The following GLUL variants were observed in gnomAD, a reference collection of about 807,000 sequenced individuals.
The protein encoded by GLUL is glutamine synthetase.
In GLUL, 8 loss-of-function variants were observed where a neutral mutation model predicts 36.9. The ratio of observed to expected loss-of-function variants is 0.22; its 90% CI spans 0.13 to 0.39. The LOEUF (loss-of-function observed/expected upper bound fraction) is 0.39, where lower values mean the gene tolerates loss of function less well. Among genes scored for constraint, GLUL ranks in the 10% least tolerant of loss-of-function variants. The pLI, the probability that GLUL is intolerant of heterozygous loss-of-function variation, is 1.00. For synonymous variants in GLUL, 182 were observed against 172.8 expected, an observed-to-expected ratio of 1.05 and a Z score of -0.42; for missense variants, 315 against 501.8, an observed-to-expected ratio of 0.63 and a Z score of 3.56.
chr1:182,384,804 CA>C, intron 6 of GLUL, 81 bp from the exon 7 acceptor site: 1 of 998,010 alleles, frequency 1.0e-6, no homozygotes, highest in South Asian at 1.3e-5. Context: ...AATATGATAC[CA>C]GTAGAACAAA....
At chr1:182,388,197 TAAG>T (rs1650260915) in intron 2 of GLUL, among the ~76,000 whole-genome samples, 2 of 152,342 alleles carry the variant, frequency 1.3e-5, no homozygotes, top group Non-Finnish European at 2.9e-5. Context: ...CACAGTTTTC[TAAG>T]AGTTTGTAAA....
Position 182,382,443 on chromosome 1 carries a change from C to G in GLUL, c.*1962G>C, listed in dbSNP as rs1216055478. On this transcript the variant is annotated 3_prime_UTR_variant, in exon 7 of 7. Transcript: ENST00000331872. ...GGATGAGCCCATGCCTAGGGCATAG[C>G]CAGCCTTGGAAGGCTTCAACCAGGG... 6.6e-6 allele frequency: 1 copy of G among 152,126 alleles called. No individual in the cohort carries two copies. The highest frequency in any genetic ancestry group is 2.4e-5 in the African/African-American group (1 of 41,390). 9.4% of individuals were successfully genotyped at this position (152,126 alleles called of 1,614,324 possible).
chr1:182,386,124 T>TGTGA (rs1650170228), intron 4 of GLUL, 132 bp downstream of exon 4: 1 of 973,008 alleles, frequency 1.0e-6, no homozygotes, highest in Admixed American at 1.7e-5. Context: ...ACTTTGGTGA[T>TGTGA]GTGAGGGCTG....
rs1650219414 is a variant in GLUL at position 182,387,173 on chromosome 1, G to T, written c.286C>A (p.Leu96Met). Residue 96 changes from leucine to methionine, a missense_variant, in exon 3 of 7, where the codon CTG (leucine) becomes ATG (methionine). This residue lies in a region of GLUL where 256 missense variants were observed against 396.1 expected (regional missense o/e 0.65). Coordinates refer to ENST00000331872, the MANE Select transcript of GLUL (RefSeq NM_001033044.4). ...RDPFRKDPNK[L>M]VLCEVFKYNR... is the part of the protein sequence containing the mutation. ...TACTTGAAAACTTCACATAACACCA[G>T]CTTGTTAGGGTCCTTACGGAAGGGG... 2.5e-6 allele frequency: 4 copies of T among 1,613,772 alleles called. No individual in the cohort carries two copies. The highest frequency in any genetic ancestry group is 2.7e-5 in the African/African-American group (2 of 75,000).
Position 182,380,820 on chromosome 1 carries a change from C to G in GLUL, c.*3585G>C, listed in dbSNP as rs561848181. On this transcript the variant is annotated 3_prime_UTR_variant, in exon 7 of 7. Transcript: ENST00000331872. ...TTTCATGAAGTTCAACTAGAAAGTC[C>G]TGTCGAATGATGAGACATCTTTCTT... Among the ~76,000 whole-genome samples, 1 of 152,350 alleles carries G rather than the reference C, an allele frequency of 6.6e-6. No individual in the cohort carries two copies. The highest frequency in any genetic ancestry group is 2.4e-5 in the African/African-American group (1 of 41,584).
chr1:182,385,059 A>G, intron 6 of GLUL: 1 of 257,466 alleles, frequency 3.9e-6, no homozygotes, highest in South Asian at 6.2e-5. Context: ...AAATATATAT[A>G]TCGATATATA....
chr1:182,390,345 G>C (rs17509341), intron 1 of GLUL: 1 of 397,284 alleles, frequency 2.5e-6, no homozygotes, highest in South Asian at 1.4e-4. Context: ...TCTTTTCCGT[G>C]AGCCGAGTTG....
At position 182,381,316 on chromosome 1, in the gene GLUL, A is replaced by G. The variant is rs2101926666; in HGVS notation, c.*3089T>C. On this transcript the variant is annotated 3_prime_UTR_variant, in exon 7 of 7. Coordinates refer to ENST00000331872, the MANE Select transcript of GLUL (RefSeq NM_001033044.4). ...ACACCCATCCATGGAATTCTTTCAA[A>G]TTCCCTATAGCTTGTGCTATCAGTT... is the stretch of plus-strand genomic sequence containing the variant. 6.6e-6 allele frequency among the ~76,000 whole-genome samples: 1 copy of G among 152,296 alleles called. No homozygotes were observed. The highest frequency in any genetic ancestry group is 1.9e-4 in the East Asian group (1 of 5,180).
At chr1:182,387,404 G>A (rs1440182414) in intron 2 of GLUL, 112 bp from the exon 3 acceptor site, 2 of 822,922 alleles carry the variant, frequency 2.4e-6, no homozygotes, top group African/African-American at 1.7e-5. Flanking sequence ...TCTTTTCCAG[G>A]AATTCATTAA....
In GLUL at chr1:182,383,289, T is replaced by A. The variant is rs899911178; in HGVS notation, c.*1116A>T. 6.6e-6 allele frequency: 1 copy of A among 152,214 alleles called. No homozygotes were observed. Among genetic ancestry groups the A allele is most frequent in the African/African-American group, 2.4e-5 (1 of 41,454 alleles). The allele number at this position is 152,214 out of a possible 1,614,324, so 9.4% of individuals were successfully genotyped here. ...AATTTGATTAAAATCTAAACTTCTA[T>A]AATTTTGCTTTTTAAAAAATTTAAT... On this transcript the variant is annotated 3_prime_UTR_variant, in exon 7 of 7. Coordinates refer to ENST00000331872, the MANE Select transcript of GLUL (RefSeq NM_001033044.4).
Position 182,385,560 on chromosome 1 carries a change from G to A in GLUL, c.604-4C>T. 2 of 1,613,538 alleles carry A rather than the reference G, an allele frequency of 1.2e-6. No individual in the cohort carries two copies. The highest frequency in any genetic ancestry group is 1.3e-5 in the African/African-American group (1 of 75,032). ...AAGGTCCAATCTGAAATTCCCACTA[G>A]AAACGAGAAGCTTGGCCATTAAAAC... On this transcript the variant is annotated splice_polypyrimidine_tract_variant and splice_region_variant and intron_variant, in intron 5 of 6. Transcript: ENST00000331872.
intron 2 of GLUL, among the ~76,000 whole-genome samples, chr1:182,387,637 T>C (rs1351848423): frequency 6.6e-6 from 1 of 152,236 alleles, no homozygotes; most frequent in East Asian, 1.9e-4. Context: ...TTCTGATTCT[T>C]CCATTAGGTA....
Position 182,381,756 on chromosome 1 carries a change from A to C in GLUL, c.*2649T>G, listed in dbSNP as rs1400019596. On this transcript the variant is annotated 3_prime_UTR_variant, in exon 7 of 7. Coordinates refer to ENST00000331872, the MANE Select transcript of GLUL (RefSeq NM_001033044.4). Reference sequence around the variant, plus strand: ...CTTACACTGTAGGATACACCATCCAAGAGGCTGTAAGGGTGGCCAAGCAAA... The same window carrying C: ...CTTACACTGTAGGATACACCATCCACGAGGCTGTAAGGGTGGCCAAGCAAA... 3 of 152,244 alleles carry C rather than the reference A, an allele frequency of 2.0e-5. No homozygotes were observed. The highest frequency in any genetic ancestry group is 4.4e-5 in the Non-Finnish European group (3 of 68,068). The allele number at this position is 152,244 out of a possible 1,614,324, so 9.4% of individuals were successfully genotyped here.
rs972908709 is a variant in GLUL at position 182,382,581 on chromosome 1, A to T, written c.*1824T>A. On this transcript the variant is annotated 3_prime_UTR_variant, in exon 7 of 7. Transcript: ENST00000331872. ...TTGTATTAGGCTAGGAATGGTCAAAACAATGTTATGGTAAGCCAAAACCAA... is the reference window on the plus strand; with the variant it reads ...TTGTATTAGGCTAGGAATGGTCAAATCAATGTTATGGTAAGCCAAAACCAA... The T allele has an allele frequency of 3.9e-5, 6 of 152,448 alleles. No individual in the cohort carries two copies. The highest frequency in any genetic ancestry group is 1.2e-4 in the African/African-American group (5 of 41,564). 9.4% of individuals were successfully genotyped at this position (152,448 alleles called of 1,614,324 possible).
Position 182,381,821 on chromosome 1 carries a change from C to G in GLUL, c.*2584G>C, listed in dbSNP as rs1649940129. On this transcript the variant is annotated 3_prime_UTR_variant, in exon 7 of 7. Coordinates refer to ENST00000331872, the MANE Select transcript of GLUL (RefSeq NM_001033044.4). ...AGTTGGGGGGGTGGAAGCACAGATT[C>G]AATGGAAATAAGGGTATACATCATT... 6.6e-6 allele frequency: 1 copy of G among 152,136 alleles called. No homozygotes were observed. The highest frequency in any genetic ancestry group is 2.4e-5 in the African/African-American group (1 of 41,408). 9.4% of individuals were successfully genotyped at this position (152,136 alleles called of 1,614,324 possible). A position where few individuals can be genotyped will look rare whatever the true frequency, so the allele number is the denominator to read the frequency against.
Position 182,388,539 on chromosome 1 carries a change from C to G in GLUL, c.166+33G>C, listed in dbSNP as rs570002507. The G allele has an allele frequency of 8.1e-6, 13 of 1,600,232 alleles. No homozygotes were observed. The African/African-American group carries it at 1.6e-4, about 20-fold the overall frequency. On this transcript the variant is annotated intron_variant, in intron 2 of 6. Coordinates refer to ENST00000331872, the MANE Select transcript of GLUL (RefSeq NM_001033044.4). ...TGCCCACCCCTCTGCAGATCCCACC[C>G]AGCATGTGCTCCACTCCACATTGCT...
At position 182,387,240 on chromosome 1, in the gene GLUL, G is replaced by A; in HGVS notation, c.219C>T (p.Ser73=). The change falls in exon 3 of 7, where the codon TCC becomes TCT. Residue 73 remains serine (S), a synonymous_variant. Coordinates refer to ENST00000331872, the MANE Select transcript of GLUL (RefSeq NM_001033044.4). ...DGSSTLQSEG[S]NSDMYLVPAA... ...CAGGCACGAGATACATGTCACTGTT[G>A]GAACCCTCAGACTGTAAAGTACTAG... 6.2e-7 allele frequency: 1 copy of A among 1,612,602 alleles called. No homozygotes were observed. Among genetic ancestry groups the A allele is most frequent in the Non-Finnish European group, 8.5e-7 (1 of 1,178,704 alleles).
Position 182,381,016 on chromosome 1 carries a change from G to A in GLUL, c.*3389C>T, listed in dbSNP as rs1558150671. 6.6e-6 allele frequency among the ~76,000 whole-genome samples: 1 copy of A among 152,226 alleles called. No individual in the cohort carries two copies. The highest frequency in any genetic ancestry group is 2.4e-5 in the African/African-American group (1 of 41,466). On this transcript the variant is annotated 3_prime_UTR_variant, in exon 7 of 7. Transcript: ENST00000331872. The stretch of plus-strand genomic sequence containing the variant: ...TGTAATCCCAGCACTTTGGGAGGTG[G>A]AGGAGTTCAAGACCAGTTCAAGACC...
rs796942920 is a variant in GLUL at position 182,380,937 on chromosome 1, C to A, written c.*3468G>T. Among the ~76,000 whole-genome samples the A allele has an allele frequency of 5.3e-5, 8 of 152,340 alleles. No individual in the cohort carries two copies. The highest frequency in any genetic ancestry group is 1.9e-4 in the African/African-American group (8 of 41,580). On this transcript the variant is annotated 3_prime_UTR_variant, in exon 7 of 7. Transcript: ENST00000331872. ...CTTGTCTACCCTTCTACACAGACAG[C>A]AGCACAGATCTGGCTTTTTACATGG...
Sources: gnomAD v4.1 joint callset for allele counts (sites outside exome capture counted in the v4.1 genomes callset) on GRCh38, gnomAD v4.1.1 for gene constraint, gnomAD v4.1.1 regional missense constraint, MANE v1.5 for transcripts, NCBI Gene and HGNC (gene_info 2026-07-23, HGNC 2026-07-21) for gene names.